The following VPS39 variants were observed in gnomAD, a reference collection of about 807,000 sequenced individuals.
VPS39 encodes vam6/Vps39-like protein.
A neutral mutation model predicts 121.0 loss-of-function variants in VPS39; 70 were observed. The ratio of observed to expected loss-of-function variants is 0.58; its 90% CI spans 0.48 to 0.71. The LOEUF is 0.71. Among genes scored for constraint, VPS39 ranks in the 30% least tolerant of loss-of-function variants. The pLI is 0.00. For synonymous variants in VPS39, 378 were observed against 398.1 expected (o/e 0.95, Z 0.60); for missense variants, 818 against 1,051.5 (o/e 0.78, Z 3.07).
chr15:42,205,148 T>C (rs1156266946), intron 1 of VPS39, among the ~76,000 whole-genome samples: 1 of 152,102 alleles, frequency 6.6e-6, no homozygotes, highest in Admixed American at 6.5e-5. Flanking sequence ...TGAATACCCA[T>C]TGAGTCAGGA....
chr15:42,183,957 C>A (rs1038574985), intron 8 of VPS39, among the ~76,000 whole-genome samples: 1 of 147,422 alleles, frequency 6.8e-6, no homozygotes, highest in Non-Finnish European at 1.5e-5. Context: ...TTGTGGAGAG[C>A]TGGGAACCTG....
Sources: gnomAD v4.1 joint callset for allele counts (sites outside exome capture counted in the v4.1 genomes callset) on GRCh38, gnomAD v4.1.1 for gene constraint, MANE v1.5 for transcripts, NCBI Gene and HGNC (gene_info 2026-07-23, HGNC 2026-07-21) for gene names.